CDK12: variants seen among roughly 807,000 people sequenced by gnomAD.
The protein encoded by CDK12 is cyclin-dependent kinase 12.
CDK12 carries 17 observed loss-of-function variants against 133.8 expected under a neutral mutation model. The ratio of observed to expected loss-of-function variants is 0.13; its 90% confidence interval spans 0.09 to 0.19. CDK12 has a LOEUF of 0.19. Ranked by LOEUF, CDK12 falls within the 10% of genes least tolerant of loss-of-function variation. CDK12 has a pLI of 1.00. For missense variants in CDK12, 1,508 were observed against 1,818.7 expected (o/e 0.83, Z 3.11); for synonymous variants, 694 against 683.6 (o/e 1.02, Z -0.24).
rs140045490 is a variant in CDK12, at chr17:39,504,161, A to G, written c.2609+2722A>G. On this transcript the variant is annotated intron_variant, in intron 6 of 13. Transcript: ENST00000447079. The stretch of plus-strand genomic sequence containing the variant: ...GCTAGATGGGTGGCACTACTAGTCA[A>G]TACAAGGAAGATGGAAGAGTAGGAT... Among the ~76,000 whole-genome samples, 308 of 152,322 alleles carry G rather than the reference A, an allele frequency of 2.0e-3. 1 individual carries two copies. The highest frequency in any genetic ancestry group is 7.2e-3 in the African/African-American group (299 of 41,568).
chr17:39,492,866 T>C lies in CDK12; in HGVS notation c.2224T>C (p.Tyr742His). The change falls in exon 4 of 14, where the codon TAT becomes CAT. Residue 742 changes from tyrosine to histidine, a missense_variant. Tyr to His is a moderately conservative substitution (Grantham distance 83). Around this residue, in one of 9 missense-constraint regions of CDK12, gnomAD observed 74 missense variants for 160.2 expected, o/e 0.46. Transcript: ENST00000447079. The part of the protein sequence containing the change: ...IIGEGTYGQV[Y>H]KAKDKDTGEL... Reference sequence around the variant, plus strand: ...TGGAGAAGGAACCTATGGCCAAGTATATAAAGCCAAGGACAAAGACACAGG... The same window carrying C: ...TGGAGAAGGAACCTATGGCCAAGTACATAAAGCCAAGGACAAAGACACAGG... The C allele has an allele frequency of 6.2e-7, 1 of 1,611,384 alleles. No individual in the cohort carries two copies. The highest frequency in any genetic ancestry group is 8.5e-7 in the Non-Finnish European group (1 of 1,179,208).
At chr17:39,538,054 C>T (rs2055222292), downstream of CDK12, among the ~76,000 whole-genome samples, 1 of 152,042 alleles carries the variant, frequency 6.6e-6, no homozygotes, top group South Asian at 2.1e-4. Flanking sequence ...GGAGGATGGG[C>T]CAAGAACCCC....
chr17:39,519,283 A>G (rs1429871556), intron 10 of CDK12, among the ~76,000 whole-genome samples: 1 of 143,316 alleles, frequency 7.0e-6, no homozygotes, highest in Non-Finnish European at 1.5e-5. Flanking sequence ...TTGGTTTTAC[A>G]TGGAAATTCA....
chr17:39,476,152 A>G (rs1410324304), intron 2 of CDK12, among the ~76,000 whole-genome samples: 1 of 151,066 alleles, frequency 6.6e-6, no homozygotes, highest in Non-Finnish European at 1.5e-5. Context: ...TTCTCTCTCC[A>G]TAGCCAGGCT....
At chr17:39,517,398 G>T in intron 9 of CDK12, 42 bp from the exon 10 acceptor site, 1 of 1,092,346 alleles carries the variant, frequency 9.2e-7, no homozygotes, top group South Asian at 1.3e-5. Flanking sequence ...TCATGATGTT[G>T]ACTCACTCAC....
Position 39,517,565 on chromosome 17 carries a change from G to C in CDK12, c.2963+9G>C. 6.6e-7 allele frequency: 1 copy of C among 1,514,308 alleles called. No individual in the cohort carries two copies. Among genetic ancestry groups the C allele is most frequent in the Non-Finnish European group, 9.2e-7 (1 of 1,089,228 alleles). The allele number at this position is 1,514,308 out of a possible 1,614,324, so 93.8% of individuals were successfully genotyped here. A position where few individuals can be genotyped will look rare whatever the true frequency, so the allele number is the denominator to read the frequency against. Reference sequence around the variant, plus strand: ...CGAGAAGAATTCTCTTTGTGAGTTTGGGGAAAATGAACATCTCGTTTCTGT... The same window carrying C: ...CGAGAAGAATTCTCTTTGTGAGTTTCGGGAAAATGAACATCTCGTTTCTGT... On this transcript the variant is annotated intron_variant, in intron 10 of 13. Transcript: ENST00000447079.
At chr17:39,562,903 T>C (rs2056430185) in intron 3 of CDK12, among the ~76,000 whole-genome samples, 1 of 60,742 alleles carries the variant, frequency 1.6e-5, no homozygotes, top group African/African-American at 1.6e-4. Flanking sequence ...TTTTCTTTTC[T>C]TTTTTTTTTT....
intron 1 of CDK12, among the ~76,000 whole-genome samples, chr17:39,467,125 C>T (rs889881816): frequency 5.9e-5 from 9 of 151,778 alleles, no homozygotes; most frequent in Admixed American, 5.3e-4. Flanking sequence ...ACTACAGGCG[C>T]GCGTCACCAT....
chr17:39,525,099 C>T (rs1176600403), intron 12 of CDK12, among the ~76,000 whole-genome samples: 1 of 152,158 alleles, frequency 6.6e-6, no homozygotes, highest in East Asian at 1.9e-4. Flanking sequence ...TTTTCCTTTC[C>T]TGAAATATGT....
intron 2 of CDK12, among the ~76,000 whole-genome samples, chr17:39,477,636 G>A (rs1193981441): frequency 6.7e-6 from 1 of 148,408 alleles, no homozygotes. Flanking sequence ...GCAGTGGCTC[G>A]ATCTTGGCTC....
intron 11 of CDK12, among the ~76,000 whole-genome samples, chr17:39,524,185 CTT>C (rs1297581924): frequency 6.6e-6 from 1 of 152,198 alleles, no homozygotes; most frequent in Non-Finnish European, 1.5e-5. Context: ...AAGAACTAGT[CTT>C]TGGTCCTCAC....
chr17:39,515,097 C>T (rs2053718147), intron 8 of CDK12, among the ~76,000 whole-genome samples: 1 of 152,090 alleles, frequency 6.6e-6, no homozygotes, highest in African/African-American at 2.4e-5. Context: ...CCTGTAGTCC[C>T]AGCTACTTGG....
chr17:39,541,362 CTTTTTTTTTTTTT>C (rs201866427), intron 1 of CDK12, among the ~76,000 whole-genome samples: 11 of 137,234 alleles, frequency 8.0e-5, no homozygotes, highest in East Asian at 4.1e-4. Flanking sequence ...GAGTTTGGCT[CTTTTTTTTTTTTT>C]TTTTTTTTTT....
At chr17:39,501,167 A>G (rs2052694473) in intron 5 of CDK12, 83 bp from the exon 6 acceptor site, 1 of 1,027,468 alleles carries the variant, frequency 9.7e-7, no homozygotes, top group East Asian at 2.7e-5. Context: ...GGTCAACTCC[A>G]AAATTATATT....
chr17:39,548,192 G>A (rs971304129), upstream of CDK12, among the ~76,000 whole-genome samples: 2 of 151,964 alleles, frequency 1.3e-5, no homozygotes, highest in African/African-American at 4.8e-5. Flanking sequence ...GAAACTCTGG[G>A]GCTCTCTGGG....
At chr17:39,471,784 GA>G (rs1222579208) in intron 2 of CDK12, 21 bp downstream of exon 2, 1 of 1,569,996 alleles carries the variant, frequency 6.4e-7, no homozygotes, top group Non-Finnish European at 8.6e-7. Flanking sequence ...TAGTGAACTG[GA>G]AAAAACCCCC....
chr17:39,463,590 C>T (rs1336715408), intron 1 of CDK12, among the ~76,000 whole-genome samples: 1 of 152,076 alleles, frequency 6.6e-6, no homozygotes, highest in African/African-American at 2.4e-5. Flanking sequence ...CAAACCTGTA[C>T]ATTTATTCAT....
chr17:39,520,986 C>T (rs997651862), intron 11 of CDK12, among the ~76,000 whole-genome samples: 3 of 151,940 alleles, frequency 2.0e-5, no homozygotes, highest in African/African-American at 7.3e-5. Context: ...GCTGAAATTA[C>T]AGGCACGTGC....
chr17:39,544,625 C>CTT (rs71147355), upstream of CDK12, among the ~76,000 whole-genome samples: 26 of 60,918 alleles, frequency 4.3e-4, no homozygotes, highest in African/African-American at 8.0e-4. Flanking sequence ...AACAGGCGAT[C>CTT]TTTTTTTTTT....
Sources: gnomAD v4.1 joint callset for allele counts (sites outside exome capture counted in the v4.1 genomes callset) on GRCh38, gnomAD v4.1.1 for gene constraint, gnomAD v4.1.1 regional missense constraint, MANE v1.5 for transcripts, NCBI Gene and HGNC (gene_info 2026-07-23, HGNC 2026-07-21) for gene names.